OTOG: variants seen among roughly 807,000 people sequenced by gnomAD.
OTOG encodes otogelin.
In OTOG, 296 loss-of-function variants were observed where a neutral mutation model predicts 313.8. That is an observed-to-expected ratio of 0.94 (90% confidence interval 0.86 to 1.04). OTOG has a LOEUF of 1.04. OTOG is among the 50% of genes least tolerant of loss of function. The pLI, the probability that OTOG is intolerant of heterozygous loss-of-function variation, is 0.00. For missense variants in OTOG, 3,948 were observed against 3,840.1 expected, an observed-to-expected ratio of 1.03 and a Z score of -0.74; for synonymous variants, 1,533 against 1,554.9, an observed-to-expected ratio of 0.99 and a Z score of 0.33.
intron 15 of OTOG, among the ~76,000 whole-genome samples, chr11:17,563,378 A>T (rs543587236): frequency 6.6e-6 from 1 of 152,342 alleles, no homozygotes; most frequent in East Asian, 1.9e-4. Flanking sequence ...GTGAGCAGGC[A>T]TCAGCTGAAG....
intron 23 of OTOG, among the ~76,000 whole-genome samples, chr11:17,585,624 T>C (rs1852775084): frequency 6.6e-6 from 1 of 152,210 alleles, no homozygotes; most frequent in Non-Finnish European, 1.5e-5. Context: ...GACCTGGATA[T>C]GCTGGCCACT....
chr11:17,609,154 C>G lies in OTOG; in HGVS notation c.4299C>G (p.Cys1433Trp), dbSNP rs1853462527. 6.4e-7 allele frequency: 1 copy of G among 1,550,488 alleles called. No homozygotes were observed. The highest frequency in any genetic ancestry group is 8.7e-7 in the Non-Finnish European group (1 of 1,146,894). The stretch of plus-strand genomic sequence containing the variant: ...GGGTAGAAGGCTGTGTCCCTGTGTG[C>G]CCCACCCCCCAGGTCCTGGATGAAG... ...VPRVEGCVPV[C>W]PTPQVLDEVT... is the part of the protein sequence containing the mutation. Residue 1433 changes from cysteine to tryptophan, a missense_variant, in exon 35 of 56, where the codon TGC (cysteine) becomes TGG (tryptophan). By Grantham distance (215) the Cys-to-Trp change is radical. Coordinates refer to ENST00000399397, the MANE Select transcript of OTOG (RefSeq NM_001292063.2).
intron 15 of OTOG, among the ~76,000 whole-genome samples, 200 bp from the exon 16 acceptor site, chr11:17,568,956 T>A (rs1852348596): frequency 6.6e-6 from 1 of 152,180 alleles, no homozygotes; most frequent in Non-Finnish European, 1.5e-5. Context: ...CTACTAACCT[T>A]CTCCAACCTG....
In OTOG at chr11:17,642,237, G is replaced by T. The variant is rs1565132047; in HGVS notation, c.8406G>T (p.Glu2802Asp). Residue 2802 changes from glutamate (E) to aspartate (D), a missense_variant, in exon 53 of 56, where the codon GAG becomes GAT. Coordinates refer to ENST00000399397, the MANE Select transcript of OTOG (RefSeq NM_001292063.2). ...PISCPPLNET[E>D]CAKVGGSVVP... is the part of the protein sequence containing the mutation. The stretch of plus-strand genomic sequence containing the variant: ...GCTGCCCACCGCTCAATGAGACTGA[G>T]TGTGCCAAGGTCAGTGCCTCCTTCT... The T allele has an allele frequency of 6.5e-7, 1 of 1,549,330 alleles. No homozygotes were observed. Among genetic ancestry groups the T allele is most frequent in the Non-Finnish European group, 8.7e-7 (1 of 1,146,280 alleles).
At chr11:17,551,639 G>T (rs1357417878) in intron 3 of OTOG, among the ~76,000 whole-genome samples, 1 of 152,140 alleles carries the variant, frequency 6.6e-6, no homozygotes. Flanking sequence ...ACAAGGGATT[G>T]TGTGTAAGGC....
intron 23 of OTOG, among the ~76,000 whole-genome samples, chr11:17,584,924 G>C (rs1195178698): frequency 2.2e-4 from 34 of 152,148 alleles, no homozygotes; most frequent in Admixed American, 2.1e-3. Flanking sequence ...TCTTAAACCA[G>C]TCTTACATTC....
chr11:17,555,612 C>T, intron 6 of OTOG, 167 bp from the exon 7 acceptor site: 1 of 569,832 alleles, frequency 1.8e-6, no homozygotes, highest in Non-Finnish European at 3.1e-6. Context: ...TCTGTGAATC[C>T]ATTGCCTCCC....
rs1446172934 is a variant in OTOG, at chr11:17,593,966, C to G, written c.3289-81C>G. On this transcript the variant is annotated intron_variant, in intron 27 of 55. Coordinates refer to ENST00000399397, the MANE Select transcript of OTOG (RefSeq NM_001292063.2). ...GTGGCTTCTAGGTCTATGATAGACTCCTGGGCTCATGGTGACCCCTCTGCC... is the reference window on the plus strand; with the variant it reads ...GTGGCTTCTAGGTCTATGATAGACTGCTGGGCTCATGGTGACCCCTCTGCC... 4 of 1,525,260 alleles carry G rather than the reference C, an allele frequency of 2.6e-6. No individual in the cohort carries two copies. The East Asian group carries it at 7.4e-5, about 28-fold the overall frequency. The allele number at this position is 1,525,260 out of a possible 1,614,324, so 94.5% of individuals were successfully genotyped here. A position where few individuals can be genotyped will look rare whatever the true frequency, so the allele number is the denominator to read the frequency against.
chr11:17,626,558 C>T (rs1176556332), intron 39 of OTOG, among the ~76,000 whole-genome samples: 1 of 152,080 alleles, frequency 6.6e-6, no homozygotes, highest in Non-Finnish European at 1.5e-5. Flanking sequence ...TAATGTAATT[C>T]TTCTAGTTTT....
intron 36 of OTOG, among the ~76,000 whole-genome samples, 156 bp from the exon 37 acceptor site, chr11:17,612,006 A>G (rs1853563979): frequency 2.0e-5 from 3 of 151,948 alleles, no homozygotes; most frequent in African/African-American, 7.3e-5. Context: ...CAGGCCCCAC[A>G]TGGCTTGTGG....
rs924048729 is a variant in OTOG at position 17,553,496 on chromosome 11, G to A, written c.517G>A (p.Glu173Lys). Residue 173 changes from glutamate (E) to lysine (K), a missense_variant, in exon 6 of 56, where the codon GAG (glutamate) becomes AAG (lysine). By Grantham distance (56) the Glu-to-Lys change is moderately conservative (BLOSUM62 1). Transcript: ENST00000399397. Reference protein sequence around the residue: ...SYTLVGRHEPEGQSFSIQVHN... With the variant: ...SYTLVGRHEPKGQSFSIQVHN... ...CACCCTGGTGGGTCGCCATGAGCCC[G>A]AGGGACAGAGCTTCTCCATCCAGGT... 2.1e-5 allele frequency: 30 copies of A among 1,449,224 alleles called. No homozygotes were observed. In the African/African-American group the frequency reaches 2.3e-4, roughly 11 times the overall value. 89.8% of individuals were successfully genotyped at this position (1,449,224 alleles called of 1,614,324 possible). A position where few individuals can be genotyped will look rare whatever the true frequency, so the allele number is the denominator to read the frequency against.
intron 51 of OTOG, among the ~76,000 whole-genome samples, 194 bp downstream of exon 51, chr11:17,641,285 G>A (rs984420255): frequency 6.6e-6 from 1 of 152,206 alleles, no homozygotes; most frequent in African/African-American, 2.4e-5. Context: ...GAACAGAAGG[G>A]ACGGATTTAG....
chr11:17,552,202 C>T (rs78554283), intron 4 of OTOG, 127 bp downstream of exon 4: 1 of 922,620 alleles, frequency 1.1e-6, no homozygotes. Flanking sequence ...CTTGGCATCT[C>T]CTTCCACCCA....
chr11:17,577,642 C>T (rs139412098), intron 22 of OTOG, among the ~76,000 whole-genome samples: 61 of 152,250 alleles, frequency 4.0e-4, no homozygotes, highest in Middle Eastern at 6.8e-3. Context: ...GCATCCTCCC[C>T]ATGTTTTGTG....
At position 17,641,072 on chromosome 11, in the gene OTOG, G is replaced by A; in HGVS notation, c.8171G>A (p.Cys2724Tyr). The change falls in exon 51 of 56, where the codon TGT becomes TAT. Residue 2724 changes from cysteine to tyrosine, a missense_variant. Physicochemically the swap from Cys to Tyr is radical, Grantham distance 194 (BLOSUM62 -2). Transcript: ENST00000399397. Reference sequence around the variant, plus strand: ...CAGATCAACACCACCTCCGTGCTCTGTGACATCCACTGTGAGGCGGTAGGG... The same window carrying A: ...CAGATCAACACCACCTCCGTGCTCTATGACATCCACTGTGAGGCGGTAGGG... ...FYQINTTSVL[C>Y]DIHCEANQEY... is the part of the protein sequence containing the mutation. 3 of 1,315,582 alleles carry A rather than the reference G, an allele frequency of 2.3e-6. No homozygotes were observed. Among genetic ancestry groups the A allele is most frequent in the Non-Finnish European group, 3.0e-6 (3 of 1,001,398 alleles). 81.5% of individuals were successfully genotyped at this position (1,315,582 alleles called of 1,614,324 possible).
intron 39 of OTOG, among the ~76,000 whole-genome samples, chr11:17,619,661 A>G (rs1172145880): frequency 2.6e-5 from 4 of 152,176 alleles, no homozygotes; most frequent in African/African-American, 9.6e-5. Context: ...TAAGAACTTT[A>G]TAACAGTATA....
rs747335340 is a variant in OTOG at position 17,591,582 on chromosome 11, G to A, written c.3000G>A (p.Leu1000=). The part of the protein sequence containing the change: ...FDFVGACKVH[L]VKSTSDVSFS... ...TCGTGGGGGCATGCAAAGTGCACCT[G>A]GTCAAGGTGAGTTCCCGGATGTTTC... Residue 1000 remains leucine, a synonymous_variant, in exon 25 of 56, where the codon CTG becomes CTA. Transcript: ENST00000399397. 3.4e-5 allele frequency: 52 copies of A among 1,550,466 alleles called. No individual in the cohort carries two copies. The highest frequency in any genetic ancestry group is 4.1e-5 in the Non-Finnish European group (47 of 1,147,014).
chr11:17,613,626 GC>G lies in OTOG; in HGVS notation c.6458del (p.Pro2153ArgfsTer5). 6.4e-7 allele frequency: 1 copy of G among 1,550,674 alleles called. No homozygotes were observed. The highest frequency in any genetic ancestry group is 1.2e-5 in the South Asian group (1 of 84,048). On this transcript the variant is annotated frameshift_variant, in exon 39 of 56. Coordinates refer to ENST00000399397, the MANE Select transcript of OTOG (RefSeq NM_001292063.2). LOFTEE classifies it high-confidence loss of function. Reference sequence around the variant, plus strand: ...TCTCTCTGCAGGGGCACCTGAACTGGCCCCCGTTCTGTCTGGTGATGTTGAA... The same window carrying G: ...TCTCTCTGCAGGGGCACCTGAACTGGCCCCGTTCTGTCTGGTGATGTTGAA... ...KSANLGHLNW[P>X]PFCLVMLNMT...
chr11:17,623,403 T>C (rs1853911215), intron 39 of OTOG, among the ~76,000 whole-genome samples: 1 of 152,144 alleles, frequency 6.6e-6, no homozygotes, highest in African/African-American at 2.4e-5. Flanking sequence ...CAGTATTTGG[T>C]TTTCTGTTTT....
Sources: gnomAD v4.1 joint callset for allele counts (sites outside exome capture counted in the v4.1 genomes callset) on GRCh38, gnomAD v4.1.1 for gene constraint, MANE v1.5 for transcripts, NCBI Gene and HGNC (gene_info 2026-07-23, HGNC 2026-07-21) for gene names.